Variants in SSBP2 observed in about 807,000 individuals in gnomAD.
SSBP2 encodes the protein single stranded DNA binding protein 2, also known as single-stranded DNA-binding protein 2.
SSBP2 carries 17 observed loss-of-function variants against 61.8 expected under a neutral mutation model. The ratio of observed to expected loss-of-function variants is 0.28; its 90% CI spans 0.19 to 0.41. The LOEUF (loss-of-function observed/expected upper bound fraction) is 0.41, where lower values mean the gene tolerates loss of function less well. SSBP2 is among the 10% of genes least tolerant of loss of function. The pLI, the probability that SSBP2 is intolerant of heterozygous loss-of-function variation, is 1.00. For synonymous variants in SSBP2, 139 were observed against 141.3 expected, an observed-to-expected ratio of 0.98 and a Z score of 0.12; for missense variants, 310 against 458.7, an observed-to-expected ratio of 0.68 and a Z score of 2.96.
intron 4 of SSBP2, among the ~76,000 whole-genome samples, chr5:81,583,578 C>T (rs1774842555): frequency 1.4e-5 from 2 of 147,222 alleles, no homozygotes; most frequent in East Asian, 2.0e-4. Context: ...TGCAGTGACC[C>T]GAGATTGCGC....
Position 81,573,251 on chromosome 5 carries a change from T to C in SSBP2, c.282+42222A>G, listed in dbSNP as rs188129570. On this transcript the variant is annotated intron_variant, in intron 4 of 16. Coordinates refer to ENST00000320672, the MANE Select transcript of SSBP2 (RefSeq NM_012446.5). ...ACTCTGTGCTAATGTAAATGTGAGG[T>C]ACATATACATGGAATGGCTTAAAGG... is the stretch of plus-strand genomic sequence containing the variant. Among the ~76,000 whole-genome samples the C allele has an allele frequency of 3.1e-3, 471 of 152,272 alleles. 3 individuals carry two copies. Among genetic ancestry groups the C allele is most frequent in the African/African-American group, 0.011 (452 of 41,564 alleles).
intron 4 of SSBP2, among the ~76,000 whole-genome samples, chr5:81,515,222 G>A (rs1768925731): frequency 6.6e-6 from 1 of 151,812 alleles, no homozygotes; most frequent in Non-Finnish European, 1.5e-5. Flanking sequence ...AAATAAATAC[G>A]ATTACATCCA....
intron 4 of SSBP2, among the ~76,000 whole-genome samples, chr5:81,602,130 T>C (rs1744425296): frequency 6.6e-6 from 1 of 152,112 alleles, no homozygotes; most frequent in Non-Finnish European, 1.5e-5. Flanking sequence ...ATCTGAGTCA[T>C]GCTTCCTTTT....
At chr5:81,592,220 CAG>C (rs1353850619) in intron 4 of SSBP2, among the ~76,000 whole-genome samples, 1 of 152,236 alleles carries the variant, frequency 6.6e-6, no homozygotes, top group South Asian at 2.1e-4. Flanking sequence ...CCTACGCCCA[CAG>C]AGTCTCGCTC....
intron 5 of SSBP2, among the ~76,000 whole-genome samples, chr5:81,490,462 A>G (rs1278525192): frequency 6.6e-6 from 1 of 152,204 alleles, no homozygotes; most frequent in Non-Finnish European, 1.5e-5. Context: ...AGCAAATATC[A>G]AATCTAACGG....
chr5:81,686,173 A>G (rs435070), intron 1 of SSBP2, among the ~76,000 whole-genome samples: 115,453 of 152,124 alleles, frequency 0.76, 45,055 homozygotes, highest in Middle Eastern at 0.92. Context: ...ACATTTATCA[A>G]CCAAATTCCC....
At chr5:81,633,687 T>C (rs1747943076) in intron 3 of SSBP2, among the ~76,000 whole-genome samples, 1 of 152,146 alleles carries the variant, frequency 6.6e-6, no homozygotes, top group African/African-American at 2.4e-5. Context: ...CCCTCTCCTT[T>C]AAACATCAGA....
intron 16 of SSBP2, among the ~76,000 whole-genome samples, chr5:81,426,826 C>T (rs984727760): frequency 1.3e-5 from 2 of 152,230 alleles, no homozygotes; most frequent in African/African-American, 4.8e-5. Context: ...CCTCTTGTCA[C>T]TGCCCATAAG....
chr5:81,427,367 T>C (rs1431299818), intron 16 of SSBP2, among the ~76,000 whole-genome samples: 2 of 152,154 alleles, frequency 1.3e-5, no homozygotes, highest in Non-Finnish European at 1.5e-5. Flanking sequence ...TTATTTGTCC[T>C]CACTAATCAT....
In SSBP2 at chr5:81,537,709, T is replaced by C. The variant is rs1770918811; in HGVS notation, c.283-23992A>G. On this transcript the variant is annotated intron_variant, in intron 4 of 16. Transcript: ENST00000320672. ...TATCAGTGATCTCAGATGTTACTAT[T>C]GTAGGACACCGTGAACCACACCCAT... Among the ~76,000 whole-genome samples, 3 of 152,112 alleles carry C rather than the reference T, an allele frequency of 2.0e-5. 1 individual carries two copies. Among genetic ancestry groups the C allele is most frequent in the Admixed American group, 1.3e-4 (2 of 15,266 alleles).
At chr5:81,704,785 G>C (rs1468472318) in intron 1 of SSBP2, among the ~76,000 whole-genome samples, 2 of 92,056 alleles carry the variant, frequency 2.2e-5, no homozygotes, top group Non-Finnish European at 3.8e-5. Flanking sequence ...GACGGGGAAT[G>C]ATTCCATCTC....
chr5:81,592,341 G>C (rs1049020236), intron 4 of SSBP2, among the ~76,000 whole-genome samples: 1 of 152,230 alleles, frequency 6.6e-6, no homozygotes, highest in African/African-American at 2.4e-5. Flanking sequence ...AAAGCGGCTG[G>C]TAAGCTCAAA....
intron 15 of SSBP2, among the ~76,000 whole-genome samples, chr5:81,432,285 A>G (rs1287728778): frequency 6.6e-6 from 1 of 152,142 alleles, no homozygotes; most frequent in African/African-American, 2.4e-5. Flanking sequence ...TGGAGCCAAA[A>G]TTCTTGGGGT....
At chr5:81,665,662 T>C (rs541688187) in intron 1 of SSBP2, among the ~76,000 whole-genome samples, 4 of 152,058 alleles carry the variant, frequency 2.6e-5, no homozygotes, top group Non-Finnish European at 5.9e-5. Flanking sequence ...TCTGGCTAAT[T>C]TTTTATTATT....
At chr5:81,595,562 C>T (rs1056299040) in intron 4 of SSBP2, among the ~76,000 whole-genome samples, 3 of 152,186 alleles carry the variant, frequency 2.0e-5, no homozygotes, top group African/African-American at 7.2e-5. Context: ...AGACCAATAT[C>T]CTTGATGAAC....
chr5:81,572,450 T>A (rs1026763157), intron 4 of SSBP2, among the ~76,000 whole-genome samples: 1 of 152,158 alleles, frequency 6.6e-6, no homozygotes, highest in African/African-American at 2.4e-5. Context: ...CATGGATAAA[T>A]CCAGAGGGAA....
intron 9 of SSBP2, among the ~76,000 whole-genome samples, chr5:81,463,533 A>G (rs912206620): frequency 6.6e-6 from 1 of 152,042 alleles, no homozygotes; most frequent in African/African-American, 2.4e-5. Context: ...AACCCCATCT[A>G]CACAAAAAAT....
At chr5:81,556,025 A>T (rs575533825) in intron 4 of SSBP2, among the ~76,000 whole-genome samples, 7 of 152,152 alleles carry the variant, frequency 4.6e-5, no homozygotes, top group Non-Finnish European at 1.0e-4. Context: ...CCACAGACGT[A>T]CGTCAAGAAT....
intron 4 of SSBP2, among the ~76,000 whole-genome samples, chr5:81,533,144 A>T (rs777711343): frequency 6.6e-6 from 1 of 152,038 alleles, no homozygotes; most frequent in African/African-American, 2.4e-5. Context: ...GCCATAAAAC[A>T]AGTCTCAATA....
Sources: allele counts gnomAD v4.1 joint callset (sites outside exome capture counted in the v4.1 genomes callset), GRCh38; gene constraint gnomAD v4.1.1; transcripts MANE v1.5; gene names NCBI Gene and HGNC (gene_info 2026-07-23, HGNC 2026-07-21).